Variants in LARP1B observed in about 807,000 individuals in gnomAD.
The protein encoded by LARP1B is la-related protein 1B.
Under a neutral mutation model 114.2 loss-of-function variants are expected in LARP1B, and 76 were observed. The ratio of observed to expected loss-of-function variants is 0.67; its 90% CI spans 0.55 to 0.81. The LOEUF (loss-of-function observed/expected upper bound fraction) is 0.81. Among genes scored for constraint, LARP1B ranks in the 30% least tolerant of loss-of-function variants. The pLI is 0.00. For synonymous variants in LARP1B, 345 were observed against 348.0 expected, an observed-to-expected ratio of 0.99 and a Z score of 0.10; for missense variants, 1,014 against 1,075.8, an observed-to-expected ratio of 0.94 and a Z score of 0.80.
intron 8 of LARP1B, among the ~76,000 whole-genome samples, chr4:128,104,369 A>G (rs1245335920): frequency 6.6e-6 from 1 of 152,186 alleles, no homozygotes; most frequent in African/African-American, 2.4e-5. Flanking sequence ...ATTGGTGTAT[A>G]GCAGTTGTTT....
At chr4:128,073,418 CAAAAAAAAAAAAAAAAA>C (rs776553862) in intron 1 of LARP1B, among the ~76,000 whole-genome samples, 2 of 42,910 alleles carry the variant, frequency 4.7e-5, no homozygotes, top group African/African-American at 2.1e-4. Flanking sequence ...GATTCCGTCT[CAAAAAAAAAAAAAAAAA>C]AAAAAAAAAA....
At chr4:128,181,500 T>G (rs1377971745) in intron 15 of LARP1B, among the ~76,000 whole-genome samples, 1 of 152,174 alleles carries the variant, frequency 6.6e-6, no homozygotes, top group Non-Finnish European at 1.5e-5. Context: ...TTCTTCATTC[T>G]TTTTTCTCTT....
intron 1 of LARP1B, chr4:128,069,618 C>A: frequency 1.5e-6 from 1 of 663,298 alleles, no homozygotes. Flanking sequence ...CCCATCTTGG[C>A]TTACCTGATG....
intron 11 of LARP1B, among the ~76,000 whole-genome samples, chr4:128,158,926 T>C (rs1384775198): frequency 6.6e-6 from 1 of 151,994 alleles, no homozygotes; most frequent in African/African-American, 2.4e-5. Flanking sequence ...TCCCAGCTGT[T>C]CTGGAGGCTG....
intron 9 of LARP1B, chr4:128,107,996 T>C (rs1194261145): frequency 6.5e-7 from 1 of 1,527,928 alleles, no homozygotes; most frequent in African/African-American, 1.4e-5. Flanking sequence ...GCTGCAAAAA[T>C]GAAAGCGATC....
intron 11 of LARP1B, among the ~76,000 whole-genome samples, chr4:128,142,914 G>A (rs1487195538): frequency 6.6e-6 from 1 of 152,090 alleles, no homozygotes; most frequent in Non-Finnish European, 1.5e-5. Context: ...GAGCTCTCAA[G>A]TTAACTGTAG....
At chr4:128,094,616 C>CA (rs1486662541) in intron 7 of LARP1B, among the ~76,000 whole-genome samples, 2 of 151,486 alleles carry the variant, frequency 1.3e-5, no homozygotes, top group African/African-American at 4.9e-5. Flanking sequence ...CATGTTGCCC[C>CA]ATCTGGTCTC....
intron 11 of LARP1B, among the ~76,000 whole-genome samples, chr4:128,144,458 T>C (rs1232338193): frequency 6.6e-6 from 1 of 152,180 alleles, no homozygotes; most frequent in African/African-American, 2.4e-5. Context: ...AATTCACTTA[T>C]AGATATGTTA....
At chr4:128,132,940 G>A (rs1792034743) in intron 11 of LARP1B, among the ~76,000 whole-genome samples, 1 of 151,678 alleles carries the variant, frequency 6.6e-6, no homozygotes, top group Admixed American at 6.6e-5. Flanking sequence ...GACAATGACA[G>A]ATCATCAAGC....
intron 12 of LARP1B, among the ~76,000 whole-genome samples, chr4:128,166,215 C>G (rs181972056): frequency 6.6e-6 from 1 of 152,112 alleles, no homozygotes; most frequent in Admixed American, 6.6e-5. Flanking sequence ...TCCAGTTGCA[C>G]AGGTCAAAAC....
intron 11 of LARP1B, among the ~76,000 whole-genome samples, chr4:128,151,307 A>G (rs1732685088): frequency 1.3e-5 from 2 of 152,210 alleles, no homozygotes; most frequent in African/African-American, 4.8e-5. Context: ...CAAAAACACA[A>G]GAAGTTTAAC....
intron 1 of LARP1B, among the ~76,000 whole-genome samples, chr4:128,063,543 G>GC (rs1761224826): frequency 6.6e-6 from 1 of 151,848 alleles, no homozygotes. Context: ...ACTTTGGGAG[G>GC]CCGAGGCAGG....
chr4:128,148,037 G>T (rs1247441213), intron 11 of LARP1B, among the ~76,000 whole-genome samples: 1 of 152,178 alleles, frequency 6.6e-6, no homozygotes, highest in Middle Eastern at 3.2e-3. Flanking sequence ...ATAGGTTTTA[G>T]AGCCCTTTTA....
intron 9 of LARP1B, among the ~76,000 whole-genome samples, chr4:128,113,343 CT>C (rs898835809): frequency 6.8e-6 from 1 of 147,784 alleles, no homozygotes; most frequent in Non-Finnish European, 1.5e-5. Flanking sequence ...TTTTTCTTTT[CT>C]TTTTTTCTTT....
At chr4:128,075,284 T>TA (rs1767377946) in intron 3 of LARP1B, among the ~76,000 whole-genome samples, 2 of 152,104 alleles carry the variant, frequency 1.3e-5, no homozygotes, top group South Asian at 4.2e-4. Flanking sequence ...GTATTTTTCA[T>TA]AGAGACAGGA....
intron 7 of LARP1B, among the ~76,000 whole-genome samples, chr4:128,094,123 C>CT (rs1776956509): frequency 6.6e-6 from 1 of 151,290 alleles, no homozygotes; most frequent in Non-Finnish European, 1.5e-5. Context: ...GACAAGGTTT[C>CT]ACCACGTTGG....
At position 128,199,565 on chromosome 4, in the gene LARP1B, A is replaced by G; in HGVS notation, c.2130A>G (p.Gln710=). 6.3e-7 allele frequency: 1 copy of G among 1,587,754 alleles called. No individual in the cohort carries two copies. Among genetic ancestry groups the G allele is most frequent in the Non-Finnish European group, 8.6e-7 (1 of 1,165,950 alleles). Residue 710 remains glutamine (Q), a synonymous_variant, in exon 16 of 20, where the codon CAA becomes CAG. Transcript: ENST00000326639. ...TGAAGGAAAATGGCTTTACCCAACA[A>G]GTGTACCACAAGTATCGTCGAAGAT... ...ELLKENGFTQ[Q]VYHKYRRRCL...
At chr4:128,143,733 T>C (rs1193642298) in intron 11 of LARP1B, among the ~76,000 whole-genome samples, 3 of 151,924 alleles carry the variant, frequency 2.0e-5, no homozygotes, top group African/African-American at 7.3e-5. Flanking sequence ...CACTCAAATA[T>C]TGAAACTTGG....
At chr4:128,145,031 T>C (rs1729718209) in intron 11 of LARP1B, among the ~76,000 whole-genome samples, 1 of 152,236 alleles carries the variant, frequency 6.6e-6, no homozygotes, top group African/African-American at 2.4e-5. Flanking sequence ...ATACTGTTCA[T>C]TATACATATG....
Sources: gnomAD v4.1 joint callset for allele counts (sites outside exome capture counted in the v4.1 genomes callset) on GRCh38, gnomAD v4.1.1 for gene constraint, MANE v1.5 for transcripts, NCBI Gene and HGNC (gene_info 2026-07-23, HGNC 2026-07-21) for gene names.